The following KMT2E variants were observed in gnomAD, a reference collection of about 807,000 sequenced individuals.
The protein encoded by KMT2E is lysine methyltransferase 2E (inactive).
A neutral mutation model predicts 184.6 loss-of-function variants in KMT2E; 30 were observed. The observed-to-expected ratio is 0.16, with a 90% CI of 0.12 to 0.22. The LOEUF (loss-of-function observed/expected upper bound fraction) is 0.22. Among genes scored for constraint, KMT2E ranks in the 10% least tolerant of loss-of-function variants. The probability of loss-of-function intolerance (pLI) is 1.00; values close to 1 mark genes in which losing one functional copy is unlikely to be tolerated. For synonymous variants in KMT2E, 815 were observed against 776.5 expected, an observed-to-expected ratio of 1.05 and a Z score of -0.82; for missense variants, 2,023 against 2,237.4, an observed-to-expected ratio of 0.90 and a Z score of 1.93.
intron 1 of KMT2E, among the ~76,000 whole-genome samples, chr7:105,017,940 C>T (rs1794786572): frequency 6.6e-6 from 1 of 152,196 alleles, no homozygotes; most frequent in Non-Finnish European, 1.5e-5. Flanking sequence ...TTCCTCACAG[C>T]TTCCAGAGAG....
At chr7:105,042,396 C>T (rs1795921470) in intron 3 of KMT2E, among the ~76,000 whole-genome samples, 1 of 152,108 alleles carries the variant, frequency 6.6e-6, no homozygotes, top group African/African-American at 2.4e-5. Context: ...ACATACAGAG[C>T]TCATTGTATT....
At chr7:105,041,059 A>G (rs748335864) in intron 3 of KMT2E, 36 bp downstream of exon 3, 1 of 1,340,168 alleles carries the variant, frequency 7.5e-7, no homozygotes. Context: ...GCAAAAAAAA[A>G]AAAAAAACCC....
At chr7:105,107,999 T>G in intron 22 of KMT2E, 74 bp downstream of exon 22, 6 of 1,017,198 alleles carry the variant, frequency 5.9e-6, no homozygotes, top group Non-Finnish European at 8.3e-6. Flanking sequence ...AGGGGAATTG[T>G]TAGATGTATT....
At chr7:105,035,621 C>G (rs911564652) in intron 1 of KMT2E, among the ~76,000 whole-genome samples, 2 of 151,758 alleles carry the variant, frequency 1.3e-5, no homozygotes, top group Non-Finnish European at 2.9e-5. Context: ...TATTTTGAGA[C>G]AGAGAGTTTT....
At chr7:105,079,679 C>T (rs1389428956) in intron 12 of KMT2E, among the ~76,000 whole-genome samples, 3 of 151,120 alleles carry the variant, frequency 2.0e-5, no homozygotes, top group Admixed American at 6.6e-5. Flanking sequence ...CGTGTGCAAC[C>T]ATGCCCAGCT....
chr7:105,101,912 C>G lies in KMT2E; in HGVS notation c.1914C>G (p.Ser638Arg). 2 of 1,609,100 alleles carry G rather than the reference C, an allele frequency of 1.2e-6. No homozygotes were observed. The highest frequency in any genetic ancestry group is 1.7e-6 in the Non-Finnish European group (2 of 1,178,708). ...IQEQAKEENA[S>R]KPTPAKVNRT... ...AACAAGCAAAAGAAGAAAATGCTAG[C>G]AAGCCAACCCCTGCCAAAGTAAATA... Residue 638 changes from serine (S) to arginine (R), a missense_variant, in exon 17 of 27, where the codon AGC becomes AGG. Transcript: ENST00000311117.
chr7:105,101,759 GTTCT>G (rs1798664855), intron 16 of KMT2E, 123 bp from the exon 17 acceptor site: 3 of 977,146 alleles, frequency 3.1e-6, no homozygotes, highest in Non-Finnish European at 4.4e-6. Flanking sequence ...TATTATCTCT[GTTCT>G]TTATTATATA....
chr7:105,108,931 TCTTG>T lies in KMT2E; in HGVS notation c.3469-7_3469-4del, dbSNP rs746365034. ...TAAAAGATTTGCTTTTTCTCATCTT[TCTTG>T]CTTAAGGTTTCTCTATTAGAATACC... On this transcript the variant is annotated splice_region_variant and splice_polypyrimidine_tract_variant and intron_variant, in intron 22 of 26. Coordinates refer to ENST00000311117, the MANE Select transcript of KMT2E (RefSeq NM_182931.3). 5 of 1,581,334 alleles carry T rather than the reference TCTTG, an allele frequency of 3.2e-6. No homozygotes were observed. In the South Asian group the frequency reaches 3.4e-5, roughly 11 times the overall value.
rs1798033451 is a variant in KMT2E at position 105,087,492 on chromosome 7, C to T, written c.1359-2517C>T. 2.7e-5 allele frequency among the ~76,000 whole-genome samples: 4 copies of T among 150,180 alleles called. No individual in the cohort carries two copies. In the South Asian group the frequency reaches 6.3e-4, roughly 24 times the overall value. ...AGGCTGGAGTGCAGTGGCGCGATCT[C>T]GGCTCACTGCAACCTCCGCCTCCTG... On this transcript the variant is annotated intron_variant, in intron 13 of 26. Coordinates refer to ENST00000311117, the MANE Select transcript of KMT2E (RefSeq NM_182931.3).
intron 4 of KMT2E, among the ~76,000 whole-genome samples, chr7:105,062,813 T>G (rs1025199172): frequency 6.6e-6 from 1 of 151,866 alleles, no homozygotes; most frequent in African/African-American, 2.4e-5. Flanking sequence ...AGCATTTAGA[T>G]TCAAACGTAA....
At chr7:105,088,951 A>G (rs1178555315) in intron 13 of KMT2E, among the ~76,000 whole-genome samples, 2 of 152,206 alleles carry the variant, frequency 1.3e-5, no homozygotes, top group Non-Finnish European at 2.9e-5. Flanking sequence ...GGGTAAGACA[A>G]ACTAGTTGAG....
intron 20 of KMT2E, 102 bp downstream of exon 20, chr7:105,106,874 C>CA (rs998312599): frequency 9.5e-5 from 109 of 1,143,704 alleles, no homozygotes; most frequent in African/African-American, 1.9e-4. Flanking sequence ...GCTGAGAATA[C>CA]AAAAAAAAGG....
At position 105,113,598 on chromosome 7, in the gene KMT2E, ATCTT is replaced by A; in HGVS notation, c.*267_*270del. The stretch of plus-strand genomic sequence containing the variant: ...TCTGATGCTGATTTGATGCTGTATG[ATCTT>A]TTTTTTTTTTTTAGTTAAATTCATT... On this transcript the variant is annotated 3_prime_UTR_variant, in exon 27 of 27. Transcript: ENST00000311117. The A allele has an allele frequency of 2.5e-5, 7 of 280,486 alleles. No individual in the cohort carries two copies. The highest frequency in any genetic ancestry group is 2.5e-5 in the Non-Finnish European group (4 of 157,784). 17.4% of individuals were successfully genotyped at this position (280,486 alleles called of 1,614,324 possible). A position where few individuals can be genotyped will look rare whatever the true frequency, so the allele number is the denominator to read the frequency against.
rs763414797 is a variant in KMT2E, at chr7:105,112,992, G to C, written c.5236G>C (p.Gly1746Arg). ...AGCCTTACACCACCCACCTCATCAA[G>C]GACCTCCACTTTTTCCTTCGAGTGC... is the stretch of plus-strand genomic sequence containing the variant. ...AQALHHPPHQ[G>R]PPLFPSSAHP... Residue 1746 changes from glycine (G) to arginine (R), a missense_variant, in exon 27 of 27, where the codon GGA becomes CGA. Physicochemically the swap from Gly to Arg is moderately radical, Grantham distance 125 (BLOSUM62 -2). Coordinates refer to ENST00000311117, the MANE Select transcript of KMT2E (RefSeq NM_182931.3). The C allele has an allele frequency of 1.2e-6, 2 of 1,613,854 alleles. No homozygotes were observed. Among genetic ancestry groups the C allele is most frequent in the East Asian group, 4.5e-5 (2 of 44,880 alleles).
At chr7:105,082,523 G>A (rs1797798633) in intron 13 of KMT2E, among the ~76,000 whole-genome samples, 1 of 152,068 alleles carries the variant, frequency 6.6e-6, no homozygotes, top group Non-Finnish European at 1.5e-5. Context: ...TATATTTACT[G>A]TTCATTAAGT....
In KMT2E at chr7:105,105,953, A is replaced by T. The variant is rs140167666; in HGVS notation, c.2546A>T (p.Asn849Ile). Residue 849 changes from asparagine to isoleucine, a missense_variant, in exon 19 of 27, where the codon AAT becomes ATT. Coordinates refer to ENST00000311117, the MANE Select transcript of KMT2E (RefSeq NM_182931.3). ...CQERSRSPAV[N>I]GENKSPLLLN... Reference sequence around the variant, plus strand: ...GAAAGATCCAGAAGTCCTGCAGTCAATGGTGAAAATAAAAGTCCACTACTA... The same window carrying T: ...GAAAGATCCAGAAGTCCTGCAGTCATTGGTGAAAATAAAAGTCCACTACTA... 2 of 1,613,442 alleles carry T rather than the reference A, an allele frequency of 1.2e-6. No homozygotes were observed. Among genetic ancestry groups the T allele is most frequent in the South Asian group, 1.1e-5 (1 of 90,930 alleles).
At chr7:105,087,823 C>CCT (rs1322154986) in intron 13 of KMT2E, among the ~76,000 whole-genome samples, 1 of 103,860 alleles carries the variant, frequency 9.6e-6, no homozygotes, top group African/African-American at 3.5e-5. Flanking sequence ...TGTTTTCTTG[C>CCT]TTTTTTTTTT....
intron 12 of KMT2E, among the ~76,000 whole-genome samples, chr7:105,079,511 CTTTTTTTTTTTTT>C (rs66734303): frequency 1.4e-4 from 9 of 62,338 alleles, no homozygotes; most frequent in East Asian, 1.5e-3. Flanking sequence ...ATTGGACTTC[CTTTTTTTTTTTTT>C]TTTTTTTTTT....
At chr7:105,092,934 C>T (rs1289582318) in intron 15 of KMT2E, among the ~76,000 whole-genome samples, 1 of 152,138 alleles carries the variant, frequency 6.6e-6, no homozygotes, top group Non-Finnish European at 1.5e-5. Flanking sequence ...TAGCTCACAC[C>T]TGTAATCCCA....
Sources: gnomAD v4.1 joint callset for allele counts (sites outside exome capture counted in the v4.1 genomes callset) on GRCh38, gnomAD v4.1.1 for gene constraint, MANE v1.5 for transcripts, NCBI Gene and HGNC (gene_info 2026-07-23, HGNC 2026-07-21) for gene names.